The following ESR1 variants were observed in gnomAD, a reference collection of about 807,000 sequenced individuals.
ESR1 encodes estrogen receptor.
Under a neutral mutation model 52.7 loss-of-function variants are expected in ESR1, and 12 were observed. The ratio of observed to expected loss-of-function variants is 0.23; its 90% confidence interval spans 0.15 to 0.37. The LOEUF is 0.37. Ranked by LOEUF, ESR1 falls within the 10% of genes least tolerant of loss-of-function variation. The pLI, the probability that ESR1 is intolerant of heterozygous loss-of-function variation, is 1.00. For synonymous variants in ESR1, 305 were observed against 316.8 expected, an observed-to-expected ratio of 0.96 and a Z score of 0.39; for missense variants, 584 against 779.7, an observed-to-expected ratio of 0.75 and a Z score of 2.99.
At chr6:151,993,984 C>T (rs938842039) in intron 4 of ESR1, among the ~76,000 whole-genome samples, 6 of 152,272 alleles carry the variant, frequency 3.9e-5, no homozygotes, top group Middle Eastern at 3.4e-3. Flanking sequence ...TTCTAGAATA[C>T]AGTCTCTATG....
intron 5 of ESR1, among the ~76,000 whole-genome samples, chr6:152,055,828 C>T (rs1373267378): frequency 6.6e-6 from 1 of 152,182 alleles, no homozygotes; most frequent in African/African-American, 2.4e-5. Context: ...GCTATGTTTT[C>T]TTACTACCTG....
intron 3 of ESR1, among the ~76,000 whole-genome samples, chr6:151,943,297 G>A (rs952194957): frequency 4.0e-5 from 6 of 151,698 alleles, no homozygotes; most frequent in African/African-American, 9.7e-5. Context: ...GGAGAATGGC[G>A]TGAACCTGGG....
chr6:152,042,656 G>A lies in ESR1; in HGVS notation c.1236-18335G>A, dbSNP rs561995215. Among the ~76,000 whole-genome samples, 9 of 152,242 alleles carry A rather than the reference G, an allele frequency of 5.9e-5. No individual in the cohort carries two copies. The East Asian group carries it at 9.7e-4, about 16-fold the overall frequency. On this transcript the variant is annotated intron_variant, in intron 5 of 7. Coordinates refer to ENST00000206249, the MANE Select transcript of ESR1 (RefSeq NM_000125.4). ...AAGTCTGCAAATTGATTGAGGGGCCGTGATTCTTTGTATAATTTTTAATTT... is the reference window on the plus strand; with the variant it reads ...AAGTCTGCAAATTGATTGAGGGGCCATGATTCTTTGTATAATTTTTAATTT...
intron 3 of ESR1, among the ~76,000 whole-genome samples, chr6:151,886,043 G>T (rs1793788752): frequency 1.4e-5 from 2 of 145,906 alleles, no homozygotes; most frequent in African/African-American, 5.0e-5. Context: ...GCACTGCTGG[G>T]TTTTTTTTTT....
intron 4 of ESR1, among the ~76,000 whole-genome samples, chr6:151,953,792 T>C (rs958572599): frequency 6.6e-6 from 1 of 152,140 alleles, no homozygotes; most frequent in African/African-American, 2.4e-5. Context: ...TTCACCTATT[T>C]CCTATATAAC....
chr6:152,117,473 T>A (rs538616123), intron 6 of ESR1, among the ~76,000 whole-genome samples: 1 of 152,318 alleles, frequency 6.6e-6, no homozygotes, highest in East Asian at 1.9e-4. Context: ...CTGACATAAT[T>A]GCGGTTTTCA....
intron 2 of ESR1, among the ~76,000 whole-genome samples, chr6:151,862,929 A>G (rs1393362589): frequency 1.3e-5 from 2 of 152,100 alleles, no homozygotes. Context: ...TTTAAAGTAT[A>G]CAGTTCTTCT....
intron 1 of ESR1, among the ~76,000 whole-genome samples, chr6:151,675,779 C>G (rs1582866086): frequency 6.6e-6 from 1 of 152,138 alleles, no homozygotes; most frequent in African/African-American, 2.4e-5. Flanking sequence ...GTTTGAGACC[C>G]GTAAGTCAAG....
chr6:151,783,100 G>A (rs1404340771), intron 2 of ESR1, among the ~76,000 whole-genome samples: 1 of 152,198 alleles, frequency 6.6e-6, no homozygotes, highest in East Asian at 1.9e-4. Flanking sequence ...TTGTCATCCT[G>A]TGTCCCCCAA....
chr6:152,046,787 A>G (rs1318581307), intron 5 of ESR1, among the ~76,000 whole-genome samples: 1 of 152,180 alleles, frequency 6.6e-6, no homozygotes, highest in Non-Finnish European at 1.5e-5. Flanking sequence ...TTCCATGGAT[A>G]GCATTACTCT....
chr6:152,037,939 A>T (rs150704409), intron 5 of ESR1, among the ~76,000 whole-genome samples: 31 of 152,298 alleles, frequency 2.0e-4, no homozygotes, highest in African/African-American at 7.2e-4. Context: ...GGATAGATGT[A>T]TATATGAAAA....
At chr6:152,020,438 T>A (rs1276408422) in intron 5 of ESR1, among the ~76,000 whole-genome samples, 2 of 152,066 alleles carry the variant, frequency 1.3e-5, no homozygotes, top group Non-Finnish European at 2.9e-5. Flanking sequence ...ACAGTTCTTA[T>A]TTTTTCCTTT....
At position 151,842,699 on chromosome 6, in the gene ESR1, T is replaced by C. The variant is rs2128234515; in HGVS notation, c.555T>C (p.Cys185=). 1 of 1,613,996 alleles carries C rather than the reference T, an allele frequency of 6.2e-7. No individual in the cohort carries two copies. Among genetic ancestry groups the C allele is most frequent in the Non-Finnish European group, 8.5e-7 (1 of 1,179,924 alleles). Residue 185 remains cysteine (C), a synonymous_variant, in exon 2 of 8, where the codon TGT becomes TGC. Coordinates refer to ENST00000206249, the MANE Select transcript of ESR1 (RefSeq NM_000125.4). The stretch of plus-strand genomic sequence containing the variant: ...AATCTGCCAAGGAGACTCGCTACTG[T>C]GCAGTGTGCAATGACTATGCTTCAG... ...AMESAKETRY[C]AVCNDYASGY... is the part of the protein sequence containing the mutation.
rs573261981 is a variant in ESR1, at chr6:152,020,252, T to C, written c.1235+8458T>C. 3.3e-5 allele frequency among the ~76,000 whole-genome samples: 5 copies of C among 152,306 alleles called. No individual in the cohort carries two copies. The South Asian group carries it at 8.3e-4, about 25-fold the overall frequency. ...CCATTTATCCTGCCTAGAAGCATAC[T>C]GTAATATATATAACTCTAAAAGCAA... is the stretch of plus-strand genomic sequence containing the variant. On this transcript the variant is annotated intron_variant, in intron 5 of 7. Transcript: ENST00000206249.
chr6:151,917,079 G>C (rs1292906279), intron 3 of ESR1, among the ~76,000 whole-genome samples: 1 of 152,096 alleles, frequency 6.6e-6, no homozygotes, highest in Admixed American at 6.6e-5. Flanking sequence ...AAGCAATCCT[G>C]GGAAGACTCC....
chr6:151,953,622 G>A (rs2036568482), intron 4 of ESR1, among the ~76,000 whole-genome samples: 1 of 152,040 alleles, frequency 6.6e-6, no homozygotes, highest in Admixed American at 6.6e-5. Flanking sequence ...TCGGGAGGCT[G>A]AGCGGGGAGA....
chr6:151,975,826 A>G (rs10484862), intron 4 of ESR1, among the ~76,000 whole-genome samples: 2,662 of 152,294 alleles, frequency 0.017, 91 homozygotes, highest in African/African-American at 0.06. Flanking sequence ...CAAACTTGGT[A>G]TTCACAATCT....
chr6:151,795,456 C>A (rs964498689), intron 2 of ESR1, among the ~76,000 whole-genome samples: 1 of 148,220 alleles, frequency 6.7e-6, no homozygotes, highest in Non-Finnish European at 1.5e-5. Context: ...CCACTGCACT[C>A]CAGCCCAGGC....
chr6:151,903,646 C>G (rs916041687), intron 3 of ESR1, among the ~76,000 whole-genome samples: 5 of 152,200 alleles, frequency 3.3e-5, no homozygotes, highest in African/African-American at 1.2e-4. Flanking sequence ...GACCCCAATA[C>G]TTCATTGAGG....
Sources: gnomAD v4.1 joint callset for allele counts (sites outside exome capture counted in the v4.1 genomes callset) on GRCh38, gnomAD v4.1.1 for gene constraint, MANE v1.5 for transcripts, NCBI Gene and HGNC (gene_info 2026-07-23, HGNC 2026-07-21) for gene names.